DPP7: variants seen among roughly 807,000 people sequenced by gnomAD.
The protein encoded by DPP7 is dipeptidyl peptidase 2.
In DPP7, 74 loss-of-function variants were observed where a neutral mutation model predicts 58.8. That is an observed-to-expected ratio of 1.26 (90% CI 1.04 to 1.53). DPP7 has a LOEUF of 1.53. Among genes scored for constraint, DPP7 ranks in the 40% most tolerant of loss-of-function variants. The probability of loss-of-function intolerance (pLI) is 0.00; values close to 1 mark genes in which losing one functional copy is unlikely to be tolerated. For missense variants in DPP7, 807 were observed against 692.3 expected, an observed-to-expected ratio of 1.17 and a Z score of -1.86; for synonymous variants, 350 against 303.6, an observed-to-expected ratio of 1.15 and a Z score of -1.59.
At chr9:137,118,051 G>A (rs571950024), upstream of DPP7, among the ~76,000 whole-genome samples, 130 of 151,692 alleles carry the variant, frequency 8.6e-4, 1 homozygote, top group Non-Finnish European at 1.5e-3. Flanking sequence ...GAAGTGACAC[G>A]ATCTCGGCTT....
At position 137,110,929 on chromosome 9, in the gene DPP7, A is replaced by C. The variant is rs201939351; in HGVS notation, c.1294T>G (p.Ser432Ala). 2 of 1,612,942 alleles carry C rather than the reference A, an allele frequency of 1.2e-6. No homozygotes were observed. The highest frequency in any genetic ancestry group is 2.7e-5 in the African/African-American group (2 of 74,866). Residue 432 changes from serine (S) to alanine (A), a missense_variant, in exon 12 of 13, where the codon TCA becomes GCA. Ser to Ala is a moderately conservative substitution (Grantham distance 99). Transcript: ENST00000371579. ...GGGIRRNLSASVIAVTIQGGA... is the reference protein window; with the variant it reads ...GGGIRRNLSAAVIAVTIQGGA... ...CCCTGGATGGTGACGGCGATGACTG[A>C]GGCACTCAGGTTCCTCCGAATCTGT...
upstream of DPP7, among the ~76,000 whole-genome samples, chr9:137,116,620 T>TA (rs1258640377): frequency 1.3e-5 from 2 of 152,184 alleles, no homozygotes; most frequent in African/African-American, 4.8e-5. Flanking sequence ...CGGCCTGAGA[T>TA]ATGGCCTCGT....
intron 12 of DPP7, 22 bp downstream of exon 12, chr9:137,110,858 G>C (rs150982400): frequency 1.1e-5 from 17 of 1,608,414 alleles, no homozygotes; most frequent in Non-Finnish European, 1.4e-5. Context: ...CGCGACCACC[G>C]CCAGGCCACC....
rs201593460 is a variant in DPP7 at position 137,112,147 on chromosome 9, C to G, written c.1015G>C (p.Gly339Arg). Reference sequence around the variant, plus strand: ...CAGGCCCTGGCGTCGGGGCCGGTGCCGCAGCCAGTGGGGTCAGCACAGCTG... The same window carrying G: ...CAGGCCCTGGCGTCGGGGCCGGTGCGGCAGCCAGTGGGGTCAGCACAGCTG... ...YHSCADPTGC[G>R]TGPDARAWDY... Residue 339 changes from glycine (G) to arginine (R), a missense_variant, in exon 9 of 13, where the codon GGC becomes CGC. By Grantham distance (125) the Gly-to-Arg change is moderately radical. This residue lies in a region of DPP7 where 624 missense variants were observed against 531.2 expected (regional missense o/e 1.17). Transcript: ENST00000371579. 1 of 1,610,344 alleles carries G rather than the reference C, an allele frequency of 6.2e-7. No individual in the cohort carries two copies. Among genetic ancestry groups the G allele is most frequent in the Non-Finnish European group, 8.5e-7 (1 of 1,179,696 alleles).
upstream of DPP7, among the ~76,000 whole-genome samples, chr9:137,117,759 A>C (rs1436227239): frequency 6.6e-6 from 1 of 152,206 alleles, no homozygotes; most frequent in Non-Finnish European, 1.5e-5. Context: ...ACATAATATA[A>C]AATTGACCAC....
chr9:137,112,664 A>C, intron 8 of DPP7, 81 bp downstream of exon 8: 1 of 1,497,392 alleles, frequency 6.7e-7, no homozygotes, highest in Non-Finnish European at 9.0e-7. Context: ...CGGGCTGCGG[A>C]TCCTCGCCCC....
At chr9:137,112,639 G>C (rs1209191077) in intron 8 of DPP7, 106 bp downstream of exon 8, 3 of 1,363,538 alleles carry the variant, frequency 2.2e-6, no homozygotes, top group African/African-American at 2.9e-5. Context: ...TGGGGCAGGA[G>C]GCAAAGCCCC....
At chr9:137,112,050 G>C (rs776046872) in intron 9 of DPP7, 21 bp from the exon 10 acceptor site, 2 of 1,613,036 alleles carry the variant, frequency 1.2e-6, no homozygotes, top group Non-Finnish European at 1.7e-6. Flanking sequence ...CCCAGCCTGA[G>C]TCAGGCCAGC....
upstream of DPP7, among the ~76,000 whole-genome samples, chr9:137,115,503 T>C (rs747894713): frequency 6.6e-6 from 1 of 152,100 alleles, no homozygotes; most frequent in Non-Finnish European, 1.5e-5. Flanking sequence ...CTGCTGGGGA[T>C]GTACATGGGC....
In DPP7 at chr9:137,112,747, G is replaced by A. The variant is rs1293398571; in HGVS notation, c.929C>T (p.Ala310Val). Residue 310 changes from alanine (A) to valine (V), a missense_variant and splice_region_variant, in exon 8 of 13, where the codon GCA (alanine) becomes GTA (valine). This residue lies in a region of DPP7 where 624 missense variants were observed against 531.2 expected (regional missense o/e 1.17). Coordinates refer to ENST00000371579, the MANE Select transcript of DPP7 (RefSeq NM_013379.3). ...ATCTGGGGCCGGGGGAAGGGCACCT[G>A]CCAGTGCTCGCAGCCCCGTGATCCT... ...AQRITGLRAL[A>V]GLVYNASGSE... The A allele has an allele frequency of 6.2e-7, 1 of 1,603,690 alleles. No individual in the cohort carries two copies. Among genetic ancestry groups the A allele is most frequent in the Non-Finnish European group, 8.5e-7 (1 of 1,177,546 alleles).
At chr9:137,112,071 C>G (rs1475943077) in intron 9 of DPP7, 41 bp downstream of exon 9, 32 of 1,612,238 alleles carry the variant, frequency 2.0e-5, no homozygotes, top group Non-Finnish European at 2.6e-5. Flanking sequence ...CCACGCCCAC[C>G]CTTGCCCCCG....
chr9:137,113,645 T>A (rs1831489912), intron 4 of DPP7, 149 bp from the exon 5 acceptor site: 1 of 1,427,678 alleles, frequency 7.0e-7, no homozygotes, highest in East Asian at 2.5e-5. Flanking sequence ...CAGCTCTCAC[T>A]GGGAAAGGCC....
At chr9:137,113,830 A>AGGGGG in intron 4 of DPP7, 35 bp downstream of exon 4, 1 of 544,382 alleles carries the variant, frequency 1.8e-6, no homozygotes, top group Non-Finnish European at 2.2e-6. Flanking sequence ...GGGGCAGGGG[A>AGGGGG]GGGAGGGGGT....
At chr9:137,115,813 G>A (rs1831620518), upstream of DPP7, among the ~76,000 whole-genome samples, 1 of 152,128 alleles carries the variant, frequency 6.6e-6, no homozygotes, top group South Asian at 2.1e-4. Context: ...CCCCACCACG[G>A]CCCTCACATC....
rs775865359 is a variant in DPP7, at chr9:137,112,770, C to T, written c.906G>A (p.Arg302=). The T allele has an allele frequency of 5.6e-6, 9 of 1,608,720 alleles. No homozygotes were observed. In the Admixed American group the frequency reaches 8.4e-5, roughly 15 times the overall value. The change falls in exon 8 of 13, where the codon AGG becomes AGA. Residue 302 remains arginine (R), a synonymous_variant. Transcript: ENST00000371579. ...CTGCCAGTGCTCGCAGCCCCGTGAT[C>T]CTCTGGGCCTCACTCAGCAGCCGAT... is the stretch of plus-strand genomic sequence containing the variant. ...GCDRLLSEAQ[R]ITGLRALAGL... is the part of the protein sequence containing the mutation.
At position 137,114,348 on chromosome 9, in the gene DPP7, G is replaced by A. The variant is rs750315459; in HGVS notation, c.216C>T (p.Phe72=). 2 of 1,606,130 alleles carry A rather than the reference G, an allele frequency of 1.2e-6. No individual in the cohort carries two copies. The highest frequency in any genetic ancestry group is 2.3e-5 in the East Asian group (1 of 44,308). ...RFWVRGEGPI[F]FYTGNEGDVW... Reference sequence around the variant, plus strand: ...CGTCGCCCTCGTTCCCAGTGTAGAAGAAGATGGGCCCCTCGCCCCGGACCC... The same window carrying A: ...CGTCGCCCTCGTTCCCAGTGTAGAAAAAGATGGGCCCCTCGCCCCGGACCC... The change falls in exon 3 of 13, where the codon TTC becomes TTT. Residue 72 remains phenylalanine (F), a synonymous_variant. Transcript: ENST00000371579.
upstream of DPP7, chr9:137,114,957 A>G (rs1207081371): frequency 6.2e-6 from 2 of 324,634 alleles, no homozygotes; most frequent in Admixed American, 5.0e-5. Context: ...CTCCCGCCCC[A>G]CTGGCTCGTC....
chr9:137,114,576 G>A lies in DPP7; in HGVS notation c.68C>T (p.Ala23Val). Residue 23 changes from alanine to valine, a missense_variant and splice_region_variant, in exon 2 of 13, where the codon GCC becomes GTC. Transcript: ENST00000371579. Reference protein sequence around the residue: ...ALGLRGLQAGARRAPDPGFQE... With the variant: ...ALGLRGLQAGVRRAPDPGFQE... ...GAAGCCGGGGTCCGGGGCCCTGCGGGCTGTGGGGGGACGCGAACCTCAGAG... is the reference window on the plus strand; with the variant it reads ...GAAGCCGGGGTCCGGGGCCCTGCGGACTGTGGGGGGACGCGAACCTCAGAG... 2 of 1,528,910 alleles carry A rather than the reference G, an allele frequency of 1.3e-6. No homozygotes were observed. Among genetic ancestry groups the A allele is most frequent in the African/African-American group, 1.4e-5 (1 of 70,214 alleles). 94.7% of individuals were successfully genotyped at this position (1,528,910 alleles called of 1,614,324 possible).
chr9:137,112,678 C>T (rs1172142033), intron 8 of DPP7, 67 bp downstream of exon 8: 17 of 1,533,008 alleles, frequency 1.1e-5, no homozygotes, highest in Admixed American at 3.9e-5. Flanking sequence ...TCGCCCCACC[C>T]GGCCCCAGGA....
Sources: gnomAD v4.1 joint callset for allele counts (sites outside exome capture counted in the v4.1 genomes callset) on GRCh38, gnomAD v4.1.1 for gene constraint, gnomAD v4.1.1 regional missense constraint, MANE v1.5 for transcripts, NCBI Gene and HGNC (gene_info 2026-07-23, HGNC 2026-07-21) for gene names.